Variants in SIPA1L3 observed in about 807,000 individuals in gnomAD.
SIPA1L3 encodes signal-induced proliferation-associated 1-like protein 3.
Under a neutral mutation model 150.1 loss-of-function variants are expected in SIPA1L3, and 59 were observed. That is an observed-to-expected ratio of 0.39 (90% CI 0.32 to 0.49). The LOEUF (loss-of-function observed/expected upper bound fraction) is 0.49, where lower values mean the gene tolerates loss of function less well. SIPA1L3 is among the 20% of genes least tolerant of loss of function. The probability of loss-of-function intolerance (pLI) is 0.86; values close to 1 mark genes in which losing one functional copy is unlikely to be tolerated. For synonymous variants in SIPA1L3, 1,070 were observed against 1,077.6 expected, an observed-to-expected ratio of 0.99 and a Z score of 0.14; for missense variants, 2,211 against 2,489.5, an observed-to-expected ratio of 0.89 and a Z score of 2.38.
At chr19:38,049,123 G>T (rs919955924) in intron 2 of SIPA1L3, among the ~76,000 whole-genome samples, 4 of 152,156 alleles carry the variant, frequency 2.6e-5, no homozygotes, top group Non-Finnish European at 4.4e-5. Context: ...GTGGAGTCTG[G>T]CTGCCAAAGA....
At chr19:38,192,338 G>A (rs749077463) in intron 17 of SIPA1L3, 28 bp downstream of exon 17, 29 of 1,555,312 alleles carry the variant, frequency 1.9e-5, no homozygotes, top group South Asian at 1.7e-4. Context: ...CCCCGCTCCC[G>A]ACCCCCAGCT....
At chr19:37,999,855 TATAGTTGGTC>T (rs1214005055) in intron 1 of SIPA1L3, among the ~76,000 whole-genome samples, 1 of 152,072 alleles carries the variant, frequency 6.6e-6, no homozygotes, top group African/African-American at 2.4e-5. Flanking sequence ...GAATGAAGCT[TATAGTTGGTC>T]ATGATTGCCA....
At position 38,047,226 on chromosome 19, in the gene SIPA1L3, A is replaced by G. The variant is rs973147868; in HGVS notation, c.-311+18070A>G. ...CCTGCCAGCCTGTTCTCCCCCGCCG[A>G]CACACACGCACGCACACACGCACGC... On this transcript the variant is annotated intron_variant, in intron 2 of 21. Coordinates refer to ENST00000222345, the MANE Select transcript of SIPA1L3 (RefSeq NM_015073.3). This position sits in a 1 kb window ranked among gnomAD's most constrained non-coding sequence, Gnocchi z 4.7. Among the ~76,000 whole-genome samples the G allele has an allele frequency of 6.6e-6, 1 of 152,054 alleles. No homozygotes were observed. Among genetic ancestry groups the G allele is most frequent in the Admixed American group, 6.6e-5 (1 of 15,256 alleles).
chr19:38,155,424 G>T (rs957824771), intron 13 of SIPA1L3, among the ~76,000 whole-genome samples: 1 of 152,178 alleles, frequency 6.6e-6, no homozygotes, highest in Non-Finnish European at 1.5e-5. Context: ...TTTTTCTGAA[G>T]ACTGCTAAGA....
At chr19:37,922,262 T>C (rs1341200123) in intron 1 of SIPA1L3, among the ~76,000 whole-genome samples, 1 of 151,884 alleles carries the variant, frequency 6.6e-6, no homozygotes, top group Non-Finnish European at 1.5e-5. Context: ...ATTTTTGTGT[T>C]TTTTTAGTAC....
intron 13 of SIPA1L3, among the ~76,000 whole-genome samples, chr19:38,160,703 G>A (rs1972063956): frequency 6.6e-6 from 1 of 151,798 alleles, no homozygotes; most frequent in Non-Finnish European, 1.5e-5. Context: ...CACCAGGCCT[G>A]ACATCCACAG....
intron 15 of SIPA1L3, 142 bp from the exon 16 acceptor site, chr19:38,182,377 A>G: frequency 1.5e-6 from 1 of 680,818 alleles, no homozygotes; most frequent in Admixed American, 2.6e-5. Context: ...ATACTGTTGG[A>G]ATTTTCCACA....
At chr19:38,107,676 A>G (rs1568553607) in intron 7 of SIPA1L3, among the ~76,000 whole-genome samples, 2 of 152,194 alleles carry the variant, frequency 1.3e-5, no homozygotes, top group East Asian at 3.8e-4. Flanking sequence ...AAAACATGCT[A>G]TTAAGAGCTT....
At chr19:38,143,438 C>T (rs187595534) in intron 12 of SIPA1L3, among the ~76,000 whole-genome samples, 127 of 152,180 alleles carry the variant, frequency 8.3e-4, no homozygotes, top group Admixed American at 1.6e-3. Context: ...CCTCCTTTCC[C>T]TGTTCTCTTG....
chr19:37,931,332 TGA>T (rs575764278), intron 1 of SIPA1L3, among the ~76,000 whole-genome samples: 74 of 152,090 alleles, frequency 4.9e-4, no homozygotes. Flanking sequence ...GACAACACAG[TGA>T]GACCCTTGTC....
intron 1 of SIPA1L3, among the ~76,000 whole-genome samples, chr19:38,023,648 A>G (rs1308677183): frequency 6.6e-6 from 1 of 152,230 alleles, no homozygotes; most frequent in Non-Finnish European, 1.5e-5. Context: ...CTGATGCCAC[A>G]GTGATGCTCT....
chr19:38,143,826 C>T (rs1377879506), intron 12 of SIPA1L3, among the ~76,000 whole-genome samples: 5 of 151,926 alleles, frequency 3.3e-5, no homozygotes, highest in Non-Finnish European at 7.4e-5. Flanking sequence ...AGTGTGAGCC[C>T]GTGCACCTGG....
Position 38,047,225 on chromosome 19 carries a change from GAC to G in SIPA1L3, c.-311+18076_-311+18077del, listed in dbSNP as rs914881294. On this transcript the variant is annotated intron_variant, in intron 2 of 21. Transcript: ENST00000222345. The surrounding 1 kb of genome is among the most constrained non-coding windows in gnomAD (Gnocchi z 4.7). ...TCCTGCCAGCCTGTTCTCCCCCGCC[GAC>G]ACACACGCACGCACACACGCACGCA... Among the ~76,000 whole-genome samples the G allele has an allele frequency of 6.6e-6, 1 of 151,942 alleles. No homozygotes were observed. The highest frequency in any genetic ancestry group is 1.5e-5 in the Non-Finnish European group (1 of 67,988).
rs75508390 is a variant in SIPA1L3 at position 38,021,365 on chromosome 19, C to T, written c.-378-7724C>T. Among the ~76,000 whole-genome samples the T allele has an allele frequency of 1.5e-3, 232 of 152,270 alleles. 2 individuals carry two copies. The East Asian group carries it at 0.019, about 12-fold the overall frequency. On this transcript the variant is annotated intron_variant, in intron 1 of 21. Transcript: ENST00000222345. ...ACCAGCACTGCTCTGACCCTCTTGCCGCCATGGCCTTAAGACAGCTGTTGG... is the reference window on the plus strand; with the variant it reads ...ACCAGCACTGCTCTGACCCTCTTGCTGCCATGGCCTTAAGACAGCTGTTGG...
At chr19:38,106,288 G>C (rs927506078) in intron 6 of SIPA1L3, 2 of 365,170 alleles carry the variant, frequency 5.5e-6, no homozygotes, top group Non-Finnish European at 1.0e-5. Flanking sequence ...TGTGCTTTTA[G>C]TAGAGACGGG....
chr19:38,120,702 A>G (rs562442799), intron 9 of SIPA1L3, among the ~76,000 whole-genome samples: 1 of 152,342 alleles, frequency 6.6e-6, no homozygotes, highest in Non-Finnish European at 1.5e-5. Flanking sequence ...CAGTCTAGGT[A>G]GAAATCTTCC....
intron 2 of SIPA1L3, among the ~76,000 whole-genome samples, chr19:38,044,344 C>G (rs1482703004): frequency 6.6e-6 from 1 of 152,112 alleles, no homozygotes; most frequent in African/African-American, 2.4e-5. Flanking sequence ...GTAGGGGTCC[C>G]CAGCACAGAG....
chr19:38,028,303 A>G (rs1462880699), intron 1 of SIPA1L3, among the ~76,000 whole-genome samples: 3 of 152,090 alleles, frequency 2.0e-5, no homozygotes, highest in Admixed American at 6.6e-5. Flanking sequence ...ATAGCCCTTC[A>G]TCTGTCCCCC....
chr19:38,188,210 G>C (rs1433921613), intron 16 of SIPA1L3, among the ~76,000 whole-genome samples: 1 of 151,700 alleles, frequency 6.6e-6, no homozygotes, highest in Non-Finnish European at 1.5e-5. Flanking sequence ...GGTGGTGACA[G>C]GGTTTCACTC....
Sources: allele counts gnomAD v4.1 joint callset (sites outside exome capture counted in the v4.1 genomes callset), GRCh38; gene constraint gnomAD v4.1.1; non-coding constraint Gnocchi (gnomAD v3.1); transcripts MANE v1.5; gene names NCBI Gene and HGNC (gene_info 2026-07-23, HGNC 2026-07-21).